Variants in AGBL3 observed in about 807,000 individuals in gnomAD.
AGBL3 encodes cytosolic carboxypeptidase 3.
In AGBL3, 68 loss-of-function variants were observed where a neutral mutation model predicts 94.5. That is an observed-to-expected ratio of 0.72 (90% confidence interval 0.59 to 0.88). The LOEUF (loss-of-function observed/expected upper bound fraction) is 0.88, where lower values mean the gene tolerates loss of function less well. AGBL3 is among the 40% of genes least tolerant of loss of function. The pLI, the probability that AGBL3 is intolerant of heterozygous loss-of-function variation, is 0.00. For synonymous variants in AGBL3, 354 were observed against 370.7 expected, an observed-to-expected ratio of 0.95 and a Z score of 0.52; for missense variants, 934 against 1,103.8, an observed-to-expected ratio of 0.85 and a Z score of 2.18.
At position 135,101,796 on chromosome 7, in the gene AGBL3, G is replaced by T. The variant is rs1444800444; in HGVS notation, c.2111-13584G>T. Among the ~76,000 whole-genome samples, 4 of 152,264 alleles carry T rather than the reference G, an allele frequency of 2.6e-5. No individual in the cohort carries two copies. In the East Asian group the frequency reaches 7.7e-4, roughly 29 times the overall value. ...CCATCATGGTTGATATGGTTTGCCTGTGTCCCCACCCAAATCTCATCTTCA... is the reference window on the plus strand; with the variant it reads ...CCATCATGGTTGATATGGTTTGCCTTTGTCCCCACCCAAATCTCATCTTCA... On this transcript the variant is annotated intron_variant, in intron 15 of 16. Transcript: ENST00000436302.
chr7:135,080,492 CAG>C (rs1820824646), intron 14 of AGBL3, among the ~76,000 whole-genome samples: 1 of 152,094 alleles, frequency 6.6e-6, no homozygotes, highest in Non-Finnish European at 1.5e-5. Flanking sequence ...TCCCAGGGAG[CAG>C]AGAGAAAGGA....
chr7:135,010,750 C>T (rs1813043727), intron 4 of AGBL3: 1 of 152,142 alleles, frequency 6.6e-6, no homozygotes, highest in Admixed American at 6.5e-5. Flanking sequence ...TTAAAAACCA[C>T]ATGCCTAGGA....
At position 135,055,976 on chromosome 7, in the gene AGBL3, C is replaced by T. The variant is rs1818313308; in HGVS notation, c.1842-3193C>T. ...TCTATCTATTAGATCTATATCTCTCCCAGTGTGAGTTCTGGTACACTGTGT... is the reference window on the plus strand; with the variant it reads ...TCTATCTATTAGATCTATATCTCTCTCAGTGTGAGTTCTGGTACACTGTGT... On this transcript the variant is annotated intron_variant, in intron 11 of 16. Coordinates refer to ENST00000436302, the MANE Select transcript of AGBL3 (RefSeq NM_178563.4). Among the ~76,000 whole-genome samples the T allele has an allele frequency of 3.3e-5, 5 of 151,374 alleles. No homozygotes were observed. The Admixed American group carries it at 3.3e-4, about 10-fold the overall frequency.
intron 5 of AGBL3, among the ~76,000 whole-genome samples, chr7:135,023,897 C>A (rs1456137682): frequency 6.6e-6 from 1 of 152,244 alleles, no homozygotes; most frequent in Non-Finnish European, 1.5e-5. Flanking sequence ...CACTTCACAT[C>A]CCCCAGCACA....
chr7:135,122,417 G>A (rs1367117139), intron 16 of AGBL3, among the ~76,000 whole-genome samples: 2 of 152,194 alleles, frequency 1.3e-5, no homozygotes, highest in South Asian at 2.1e-4. Context: ...CGGGAGGGGT[G>A]ACCACAGTCT....
chr7:134,997,009 C>T (rs1018976421), intron 4 of AGBL3, among the ~76,000 whole-genome samples: 35 of 152,062 alleles, frequency 2.3e-4, no homozygotes, highest in Non-Finnish European at 3.2e-4. Context: ...AGGTAAATGG[C>T]GTATAGCAGT....
chr7:135,073,415 G>C (rs1820138299), intron 12 of AGBL3, among the ~76,000 whole-genome samples: 1 of 152,068 alleles, frequency 6.6e-6, no homozygotes, highest in Non-Finnish European at 1.5e-5. Flanking sequence ...AGGTTGCAGT[G>C]AGTTGAGACT....
chr7:135,102,089 A>C (rs915567425), intron 15 of AGBL3, among the ~76,000 whole-genome samples: 1 of 152,162 alleles, frequency 6.6e-6, no homozygotes, highest in East Asian at 1.9e-4. Flanking sequence ...TTCCTTTATA[A>C]ATTACCCAGT....
chr7:135,080,081 C>A, intron 13 of AGBL3, 122 bp from the exon 14 acceptor site: 1 of 780,160 alleles, frequency 1.3e-6, no homozygotes. Context: ...TCATTCTAAA[C>A]CTGTAAGGAT....
At position 135,060,671 on chromosome 7, in the gene AGBL3, T is replaced by C. The variant is rs1818751972; in HGVS notation, c.1908+1436T>C. On this transcript the variant is annotated intron_variant, in intron 12 of 16. Coordinates refer to ENST00000436302, the MANE Select transcript of AGBL3 (RefSeq NM_178563.4). Reference sequence around the variant, plus strand: ...GAACATGATCTTTCTGTGCCTGGCTTATCTCACTTAACGCAATGTCCTCCA... The same window carrying C: ...GAACATGATCTTTCTGTGCCTGGCTCATCTCACTTAACGCAATGTCCTCCA... Among the ~76,000 whole-genome samples the C allele has an allele frequency of 2.0e-5, 3 of 152,194 alleles. 1 individual carries two copies. The highest frequency in any genetic ancestry group is 4.4e-5 in the Non-Finnish European group (3 of 68,018).
At chr7:135,113,678 A>G (rs1825940183) in intron 15 of AGBL3, among the ~76,000 whole-genome samples, 5 of 152,372 alleles carry the variant, frequency 3.3e-5, no homozygotes, top group Admixed American at 3.3e-4. Context: ...TAAAATACAC[A>G]TAACAAAATT....
At chr7:135,103,671 G>T (rs1490179131) in intron 15 of AGBL3, among the ~76,000 whole-genome samples, 1 of 152,172 alleles carries the variant, frequency 6.6e-6, no homozygotes, top group Non-Finnish European at 1.5e-5. Context: ...GGGAATAATA[G>T]ATATCTGTAG....
chr7:135,043,899 G>A, intron 8 of AGBL3, 126 bp from the exon 9 acceptor site: 1 of 1,205,756 alleles, frequency 8.3e-7, no homozygotes, highest in African/African-American at 1.5e-5. Flanking sequence ...GAAATAAAAA[G>A]TAGCTCCTGA....
At position 135,034,745 on chromosome 7, in the gene AGBL3, C is replaced by G; in HGVS notation, c.1154C>G (p.Ser385Ter). The G allele has an allele frequency of 6.4e-7, 1 of 1,551,212 alleles. No homozygotes were observed. Among genetic ancestry groups the G allele is most frequent in the Non-Finnish European group, 8.7e-7 (1 of 1,146,776 alleles). The change falls in exon 7 of 17, where the codon TCA (serine) becomes TGA (stop). Residue 385 changes from serine (S) to a stop codon, truncating the protein, a stop_gained. Coordinates refer to ENST00000436302, the MANE Select transcript of AGBL3 (RefSeq NM_178563.4). LOFTEE classifies it high-confidence loss of function. ...TTCCTAGATTATATTTTAGGAAACT[C>G]AAGTGATGCACAGTTGCTTCGGGAC... is the stretch of plus-strand genomic sequence containing the variant. ...KGFLDYILGN[S>*]SDAQLLRDTF...
At position 135,134,905 on chromosome 7, in the gene AGBL3, C is replaced by T; in HGVS notation, c.2407C>T (p.His803Tyr). The change falls in exon 17 of 17, where the codon CAC becomes TAC. Residue 803 changes from histidine to tyrosine, a missense_variant. By Grantham distance (83) the His-to-Tyr change is moderately conservative. Around this residue, in one of 3 missense-constraint regions of AGBL3, gnomAD observed 441 missense variants for 518.2 expected, o/e 0.85. Coordinates refer to ENST00000436302, the MANE Select transcript of AGBL3 (RefSeq NM_178563.4). ...CACATCTTGGACAGCACCCAGAAAT[C>T]ACCCTTTTGTAATCCAAGGGGATGT... is the stretch of plus-strand genomic sequence containing the variant. Reference protein sequence around the residue: ...YSTSWTAPRNHPFVIQGDVMA... With the variant: ...YSTSWTAPRNYPFVIQGDVMA... 6.4e-7 allele frequency: 1 copy of T among 1,551,134 alleles called. No individual in the cohort carries two copies. Among genetic ancestry groups the T allele is most frequent in the Admixed American group, 2.0e-5 (1 of 50,978 alleles).
At position 135,076,463 on chromosome 7, in the gene AGBL3, C is replaced by T. The variant is rs763307521; in HGVS notation, c.1975C>T (p.Gln659Ter). The T allele has an allele frequency of 1.3e-6, 2 of 1,544,712 alleles. No homozygotes were observed. Among genetic ancestry groups the T allele is most frequent in the Admixed American group, 2.0e-5 (1 of 50,782 alleles). Residue 659 changes from glutamine to a stop codon, truncating the protein, a stop_gained, in exon 13 of 17, where the codon CAA becomes TAA. Coordinates refer to ENST00000436302, the MANE Select transcript of AGBL3 (RefSeq NM_178563.4). LOFTEE classifies it high-confidence loss of function. ...TIASHQNARG[Q>*]EVYDRGHLLQ... ...AGCAAGCCACCAAAATGCCAGAGGA[C>T]AAGAGGTAAATCTTCATTAATCTAG...
Position 135,134,970 on chromosome 7 carries a change from C to T in AGBL3, c.2472C>T (p.His824=). 10 of 1,551,196 alleles carry T rather than the reference C, an allele frequency of 6.4e-6. No individual in the cohort carries two copies. Among genetic ancestry groups the T allele is most frequent in the Non-Finnish European group, 8.7e-6 (10 of 1,146,674 alleles). ...NSSEWVQSKP[H]RSLESLSPLK... ...CAGAATGGGTCCAGTCTAAGCCCCA[C>T]AGGTCATTGGAAAGTTTATCACCTC... Residue 824 remains histidine, a synonymous_variant, in exon 17 of 17, where the codon CAC becomes CAT. Coordinates refer to ENST00000436302, the MANE Select transcript of AGBL3 (RefSeq NM_178563.4).
chr7:135,055,919 C>T (rs552719278), intron 11 of AGBL3, among the ~76,000 whole-genome samples: 54 of 152,072 alleles, frequency 3.6e-4, no homozygotes, highest in Admixed American at 2.8e-3. Context: ...ATTATCAATT[C>T]GATTTCTTTA....
chr7:135,120,139 C>T (rs1481709817), intron 16 of AGBL3, among the ~76,000 whole-genome samples: 2 of 152,018 alleles, frequency 1.3e-5, no homozygotes, highest in Admixed American at 1.3e-4. Flanking sequence ...TTTTTCTAAA[C>T]AGATAGAAAA....
Sources: gnomAD v4.1 joint callset for allele counts (sites outside exome capture counted in the v4.1 genomes callset) on GRCh38, gnomAD v4.1.1 for gene constraint, gnomAD v4.1.1 regional missense constraint, MANE v1.5 for transcripts, NCBI Gene and HGNC (gene_info 2026-07-23, HGNC 2026-07-21) for gene names.